The following ZNF407 variants were observed in gnomAD, a reference collection of about 807,000 sequenced individuals.
ZNF407 encodes the protein zinc finger protein 407.
In ZNF407, 17 loss-of-function variants were observed where a neutral mutation model predicts 131.2. The ratio of observed to expected loss-of-function variants is 0.13; its 90% CI spans 0.09 to 0.19. The LOEUF is 0.19. Ranked by LOEUF, ZNF407 falls within the 10% of genes least tolerant of loss-of-function variation. ZNF407 has a pLI of 1.00. For synonymous variants in ZNF407, 1,156 were observed against 1,062.0 expected, an observed-to-expected ratio of 1.09 and a Z score of -1.72; for missense variants, 2,681 against 2,830.6, an observed-to-expected ratio of 0.95 and a Z score of 1.20.
chr18:74,714,874 G>A (rs1242102243), intron 3 of ZNF407, among the ~76,000 whole-genome samples: 1 of 152,008 alleles, frequency 6.6e-6, no homozygotes, highest in African/African-American at 2.4e-5. Context: ...GCCCAAAGTT[G>A]GTAAATTTTT....
chr18:74,893,925 G>T (rs1971420455), intron 7 of ZNF407, among the ~76,000 whole-genome samples: 1 of 152,094 alleles, frequency 6.6e-6, no homozygotes, highest in African/African-American at 2.4e-5. Context: ...TCTGCAGGCA[G>T]CTTACCATCA....
At chr18:74,756,600 A>G (rs1319568916) in intron 3 of ZNF407, among the ~76,000 whole-genome samples, 1 of 152,188 alleles carries the variant, frequency 6.6e-6, no homozygotes, top group Non-Finnish European at 1.5e-5. Context: ...GTTAGTGCAT[A>G]GAAACACAAT....
chr18:74,851,345 G>T (rs1403621999), intron 4 of ZNF407, among the ~76,000 whole-genome samples: 1 of 152,144 alleles, frequency 6.6e-6, no homozygotes, highest in Non-Finnish European at 1.5e-5. Flanking sequence ...AACAAGCAGA[G>T]AACATGTATA....
intron 4 of ZNF407, among the ~76,000 whole-genome samples, chr18:74,835,901 A>T (rs1970552138): frequency 6.6e-6 from 1 of 152,042 alleles, no homozygotes; most frequent in South Asian, 2.1e-4. Context: ...TGGTTGGTGC[A>T]AGCAAGGACC....
intron 1 of ZNF407, among the ~76,000 whole-genome samples, chr18:74,609,332 C>G (rs987139398): frequency 5.9e-5 from 9 of 152,140 alleles, no homozygotes; most frequent in African/African-American, 2.2e-4. Context: ...GTATACAAAC[C>G]TAGATGGTGC....
intron 8 of ZNF407, among the ~76,000 whole-genome samples, chr18:75,052,700 A>G (rs968089311): frequency 6.6e-6 from 1 of 152,228 alleles, no homozygotes; most frequent in Admixed American, 6.5e-5. Context: ...AGTTTGGATT[A>G]CACATAATGA....
chr18:74,980,669 T>A (rs1328757146), intron 8 of ZNF407, among the ~76,000 whole-genome samples: 1 of 152,190 alleles, frequency 6.6e-6, no homozygotes, highest in Non-Finnish European at 1.5e-5. Flanking sequence ...TCCTCCTTTC[T>A]CTATGAGGAT....
chr18:74,936,914 C>G (rs1304047457), intron 8 of ZNF407, among the ~76,000 whole-genome samples: 1 of 152,180 alleles, frequency 6.6e-6, no homozygotes, highest in Non-Finnish European at 1.5e-5. Context: ...TTAGAAACTT[C>G]TTTGACTTTG....
At chr18:74,893,585 TG>T (rs775141795) in intron 7 of ZNF407, among the ~76,000 whole-genome samples, 1 of 152,158 alleles carries the variant, frequency 6.6e-6, no homozygotes, top group Non-Finnish European at 1.5e-5. Flanking sequence ...GATTTAAAAA[TG>T]AGCAGATAGT....
chr18:74,657,930 T>G (rs1179955257), intron 3 of ZNF407, among the ~76,000 whole-genome samples: 1 of 140,664 alleles, frequency 7.1e-6, no homozygotes, highest in Non-Finnish European at 1.6e-5. Context: ...TTCTTCTTCT[T>G]CTTCTCCCTC....
chr18:74,782,061 TTATATTA>T (rs1464845525), intron 4 of ZNF407, among the ~76,000 whole-genome samples: 1 of 152,208 alleles, frequency 6.6e-6, no homozygotes, highest in Admixed American at 6.5e-5. Context: ...ATAGACTTAA[TTATATTA>T]GGTGAACTGA....
intron 3 of ZNF407, among the ~76,000 whole-genome samples, chr18:74,671,047 A>G (rs1986121431): frequency 6.6e-6 from 1 of 151,860 alleles, no homozygotes; most frequent in African/African-American, 2.4e-5. Context: ...CATCTCCAGA[A>G]CTCTTTTTAT....
Position 74,634,628 on chromosome 18 carries a change from A to C in ZNF407, c.3609A>C (p.Ser1203=), listed in dbSNP as rs371980853. 2.5e-6 allele frequency: 4 copies of C among 1,613,876 alleles called. No homozygotes were observed. Among genetic ancestry groups the C allele is most frequent in the African/African-American group, 2.7e-5 (2 of 74,938 alleles). ...GSPSRFQNEN[S]GSSALNCETA... is the part of the protein sequence containing the mutation. ...CAAGCAGATTTCAAAATGAAAATTC[A>C]GGAAGCTCTGCCTTAAATTGTGAGA... Residue 1203 remains serine (S), a synonymous_variant, in exon 2 of 9, where the codon TCA becomes TCC. Transcript: ENST00000299687.
chr18:74,903,082 C>A (rs530276292), intron 7 of ZNF407, among the ~76,000 whole-genome samples: 1 of 152,160 alleles, frequency 6.6e-6, no homozygotes, highest in South Asian at 2.1e-4. Flanking sequence ...TGTGACCAGG[C>A]CTGCCAGACT....
At chr18:75,035,732 A>G (rs2122231268) in intron 8 of ZNF407, among the ~76,000 whole-genome samples, 1 of 152,354 alleles carries the variant, frequency 6.6e-6, no homozygotes, top group Admixed American at 6.5e-5. Context: ...TCTCATGTGT[A>G]TCTGATTACC....
intron 4 of ZNF407, among the ~76,000 whole-genome samples, chr18:74,859,694 A>T (rs1970910511): frequency 6.6e-6 from 1 of 152,234 alleles, no homozygotes; most frequent in Non-Finnish European, 1.5e-5. Flanking sequence ...GTGAAAAGAT[A>T]AATTACTTAC....
intron 6 of ZNF407, among the ~76,000 whole-genome samples, chr18:74,883,176 G>C (rs1193832367): frequency 6.6e-6 from 1 of 152,196 alleles, no homozygotes; most frequent in Admixed American, 6.5e-5. Context: ...AGAGGTATCT[G>C]TCTTTTTGGC....
intron 3 of ZNF407, among the ~76,000 whole-genome samples, chr18:74,715,594 C>T (rs529223963): frequency 3.9e-5 from 6 of 152,168 alleles, no homozygotes; most frequent in Admixed American, 3.9e-4. Flanking sequence ...CCTGTCCCAG[C>T]AGTTACTGAA....
intron 8 of ZNF407, among the ~76,000 whole-genome samples, chr18:75,004,520 G>A (rs780598416): frequency 1.2e-4 from 18 of 152,102 alleles, no homozygotes; most frequent in Non-Finnish European, 2.2e-4. Flanking sequence ...AAACGAGAGC[G>A]GCATTGGGTG....
Sources: gnomAD v4.1 joint callset for allele counts (sites outside exome capture counted in the v4.1 genomes callset) on GRCh38, gnomAD v4.1.1 for gene constraint, MANE v1.5 for transcripts, NCBI Gene and HGNC (gene_info 2026-07-23, HGNC 2026-07-21) for gene names.